The following TMEM132D variants were observed in gnomAD, a reference collection of about 807,000 sequenced individuals.
The protein encoded by TMEM132D is mature OL transmembrane protein.
TMEM132D carries 21 observed loss-of-function variants against 62.3 expected under a neutral mutation model. The observed-to-expected ratio is 0.34, with a 90% CI of 0.24 to 0.49. The LOEUF (loss-of-function observed/expected upper bound fraction) is 0.49, where lower values mean the gene tolerates loss of function less well. Ranked by LOEUF, TMEM132D falls within the 20% of genes least tolerant of loss-of-function variation. The pLI is 0.99. For missense variants in TMEM132D, 1,346 were observed against 1,402.8 expected (o/e 0.96, Z 0.65); for synonymous variants, 621 against 575.6 (o/e 1.08, Z -1.13).
intron 2 of TMEM132D, among the ~76,000 whole-genome samples, chr12:129,570,912 G>A (rs542543533): frequency 4.6e-5 from 7 of 152,186 alleles, no homozygotes; most frequent in South Asian, 2.1e-4. Flanking sequence ...ACAATGACTC[G>A]TCTGCTGTGG....
intron 1 of TMEM132D, among the ~76,000 whole-genome samples, chr12:129,838,935 A>T (rs1297882667): frequency 2.7e-5 from 4 of 149,994 alleles, no homozygotes; most frequent in Admixed American, 6.7e-5. Context: ...AAGAATAGGA[A>T]CTTTTAAACT....
At position 129,453,196 on chromosome 12, in the gene TMEM132D, G is replaced by GA. The variant is rs1212223868; in HGVS notation, c.1115+77862dup. Reference sequence around the variant, plus strand: ...ATCACCCACCTCTCTGCAGTCCACGGAAAAATTGTCTTCCAGGAAACCAGT... The same window carrying GA: ...ATCACCCACCTCTCTGCAGTCCACGGAAAAAATTGTCTTCCAGGAAACCAGT... On this transcript the variant is annotated intron_variant, in intron 3 of 8. Coordinates refer to ENST00000422113, the MANE Select transcript of TMEM132D (RefSeq NM_133448.3). Among the ~76,000 whole-genome samples, 10 of 152,304 alleles carry GA rather than the reference G, an allele frequency of 6.6e-5. No homozygotes were observed. In the South Asian group the frequency reaches 2.1e-3, roughly 32 times the overall value.
chr12:129,180,065 G>A (rs1049884776), intron 5 of TMEM132D, among the ~76,000 whole-genome samples: 1 of 152,096 alleles, frequency 6.6e-6, no homozygotes, highest in African/African-American at 2.4e-5. Flanking sequence ...ACACCATGGA[G>A]GTCAGAGCTG....
At chr12:129,430,000 A>G (rs936592974) in intron 3 of TMEM132D, among the ~76,000 whole-genome samples, 5 of 151,950 alleles carry the variant, frequency 3.3e-5, no homozygotes, top group Middle Eastern at 3.2e-3. Context: ...CATTTGGGTT[A>G]GTTCCAAGTC....
chr12:129,894,964 C>T (rs183785340), intron 1 of TMEM132D, among the ~76,000 whole-genome samples: 54 of 152,292 alleles, frequency 3.5e-4, no homozygotes, highest in East Asian at 9.7e-4. Context: ...AACTCTGCCA[C>T]GCAAAGGCCT....
intron 2 of TMEM132D, among the ~76,000 whole-genome samples, chr12:129,649,416 C>T (rs1477412866): frequency 6.6e-6 from 1 of 152,146 alleles, no homozygotes; most frequent in Non-Finnish European, 1.5e-5. Context: ...AGCACCCCCA[C>T]ACAGGGTAAA....
chr12:129,240,363 C>T (rs1879904486), intron 4 of TMEM132D, among the ~76,000 whole-genome samples: 1 of 152,098 alleles, frequency 6.6e-6, no homozygotes, highest in African/African-American at 2.4e-5. Flanking sequence ...GAATATCCCC[C>T]CACAGTGGCA....
At chr12:129,378,756 G>A (rs1265975298) in intron 3 of TMEM132D, among the ~76,000 whole-genome samples, 2 of 152,170 alleles carry the variant, frequency 1.3e-5, no homozygotes, top group Non-Finnish European at 2.9e-5. Context: ...ATTTTAAAAT[G>A]TAGCCATCAG....
At chr12:129,496,707 G>T (rs1414382531) in intron 3 of TMEM132D, among the ~76,000 whole-genome samples, 1 of 151,930 alleles carries the variant, frequency 6.6e-6, no homozygotes, top group Non-Finnish European at 1.5e-5. Context: ...CCAGGAGAGA[G>T]AAATAAAAAT....
intron 3 of TMEM132D, among the ~76,000 whole-genome samples, chr12:129,456,688 G>T (rs139615761): frequency 6.6e-6 from 1 of 152,234 alleles, no homozygotes; most frequent in African/African-American, 2.4e-5. Context: ...ATAAACGGCA[G>T]ATGGAACTGT....
chr12:129,741,957 A>G (rs1270625814), intron 1 of TMEM132D, among the ~76,000 whole-genome samples: 1 of 152,198 alleles, frequency 6.6e-6, no homozygotes, highest in Non-Finnish European at 1.5e-5. Context: ...ATCTAGGTCC[A>G]TGATTGGGGT....
intron 3 of TMEM132D, among the ~76,000 whole-genome samples, chr12:129,435,894 T>C (rs1872773727): frequency 6.6e-6 from 1 of 152,196 alleles, no homozygotes; most frequent in South Asian, 2.1e-4. Context: ...TTTACTCTGA[T>C]CAGCCAAAAA....
At position 129,700,239 on chromosome 12, in the gene TMEM132D, C is replaced by T. The variant is rs1489525939; in HGVS notation, c.539G>A (p.Arg180Gln). The T allele has an allele frequency of 1.2e-6, 2 of 1,613,008 alleles. No homozygotes were observed. The highest frequency in any genetic ancestry group is 1.3e-5 in the African/African-American group (1 of 75,054). ...GTCCCCCTGCAGCCGGCAGCTGCCC[C>T]GCACCTCTCGGGTCTCTCGGAAAGC... ...VFAFRETREV[R>Q]GSCRLQGDLG... The change falls in exon 2 of 9, where the codon CGG becomes CAG. Residue 180 changes from arginine to glutamine, a missense_variant. Physicochemically the swap from Arg to Gln is conservative, Grantham distance 43 (BLOSUM62 1). Transcript: ENST00000422113.
intron 1 of TMEM132D, among the ~76,000 whole-genome samples, chr12:129,788,871 G>A (rs188370200): frequency 6.6e-6 from 1 of 152,200 alleles, no homozygotes; most frequent in East Asian, 1.9e-4. Context: ...GAAGAGCCCT[G>A]GGCAGAAGGG....
At chr12:129,596,151 T>C (rs970073112) in intron 2 of TMEM132D, among the ~76,000 whole-genome samples, 1 of 152,138 alleles carries the variant, frequency 6.6e-6, no homozygotes, top group African/African-American at 2.4e-5. Flanking sequence ...TTGTGGGCCA[T>C]AGTGGAGATG....
At chr12:129,579,889 T>C (rs562999329) in intron 2 of TMEM132D, among the ~76,000 whole-genome samples, 53 of 152,306 alleles carry the variant, frequency 3.5e-4, no homozygotes, top group African/African-American at 1.1e-3. Flanking sequence ...GCCTGGATTC[T>C]GCCAAAGGGA....
At chr12:129,854,418 T>C (rs1873649327) in intron 1 of TMEM132D, 1 of 152,184 alleles carries the variant, frequency 6.6e-6, no homozygotes, top group African/African-American at 2.4e-5. Flanking sequence ...CAGTCAATGC[T>C]CACGAGTGGG....
intron 1 of TMEM132D, among the ~76,000 whole-genome samples, chr12:129,702,248 G>C (rs1330083239): frequency 1.3e-5 from 2 of 152,176 alleles, no homozygotes; most frequent in Non-Finnish European, 2.9e-5. Context: ...TGAACCATTT[G>C]AGACTGCTTA....
intron 3 of TMEM132D, among the ~76,000 whole-genome samples, chr12:129,433,491 T>C (rs1019366919): frequency 6.6e-6 from 1 of 152,202 alleles, no homozygotes; most frequent in Admixed American, 6.5e-5. Context: ...CATTTCTCGT[T>C]GATCCTCCTT....
Sources: allele counts gnomAD v4.1 joint callset (sites outside exome capture counted in the v4.1 genomes callset), GRCh38; gene constraint gnomAD v4.1.1; transcripts MANE v1.5; gene names NCBI Gene and HGNC (gene_info 2026-07-23, HGNC 2026-07-21).